SLC8A3: variants seen among roughly 807,000 people sequenced by gnomAD.
SLC8A3 encodes the protein solute carrier family 8 member A3, also known as sodium/calcium exchanger 3.
A neutral mutation model predicts 65.4 loss-of-function variants in SLC8A3; 37 were observed. That is an observed-to-expected ratio of 0.57 (90% CI 0.44 to 0.74). The LOEUF is 0.74. SLC8A3 is among the 30% of genes least tolerant of loss of function. SLC8A3 has a pLI of 0.00. For synonymous variants in SLC8A3, 461 were observed against 444.5 expected (o/e 1.04, Z -0.47); for missense variants, 1,112 against 1,172.1 (o/e 0.95, Z 0.75).
chr14:70,121,276 G>A (rs1380252283), intron 2 of SLC8A3, among the ~76,000 whole-genome samples: 1 of 152,142 alleles, frequency 6.6e-6, no homozygotes, highest in African/African-American at 2.4e-5. Context: ...TGGAAAGGAA[G>A]GGGTATTTGA....
chr14:70,103,213 C>T (rs1054867643), intron 2 of SLC8A3, among the ~76,000 whole-genome samples: 11 of 151,670 alleles, frequency 7.3e-5, no homozygotes, highest in Non-Finnish European at 1.2e-4. Flanking sequence ...ATTTCAAAAA[C>T]GAAGGCAAAA....
At chr14:70,048,593 G>T (rs1245168590) in intron 6 of SLC8A3, 174 bp downstream of exon 6, 1 of 697,816 alleles carries the variant, frequency 1.4e-6, no homozygotes, top group African/African-American at 1.8e-5. Context: ...AGAAATATTA[G>T]CTGTCATTAC....
At chr14:70,183,054 C>T (rs974558928) in intron 1 of SLC8A3, among the ~76,000 whole-genome samples, 16 of 152,142 alleles carry the variant, frequency 1.1e-4, no homozygotes, top group Admixed American at 2.0e-4. Context: ...TTTTGGACTT[C>T]GAGGTCCTCT....
chr14:70,147,512 T>C (rs79108079), intron 2 of SLC8A3, among the ~76,000 whole-genome samples: 7,468 of 152,250 alleles, frequency 0.049, 216 homozygotes, highest in Middle Eastern at 0.075. Context: ...TTATGTTACA[T>C]GGCAATGGTG....
intron 2 of SLC8A3, among the ~76,000 whole-genome samples, chr14:70,164,094 T>TA (rs1897035678): frequency 6.6e-6 from 1 of 152,172 alleles, no homozygotes; most frequent in African/African-American, 2.4e-5. Context: ...CCTGAGCATA[T>TA]ACCGTGTACC....
Position 70,046,139 on chromosome 14 carries a change from G to A in SLC8A3, c.2574C>T (p.Ser858=), listed in dbSNP as rs376266597. 22 of 1,614,040 alleles carry A rather than the reference G, an allele frequency of 1.4e-5. No homozygotes were observed. Among genetic ancestry groups the A allele is most frequent in the African/African-American group, 2.7e-5 (2 of 74,940 alleles). ...FHVSAGTLAF[S]VTLFTIFAFV... ...ATGCAAAGATGGTGAAGAGGGTGAC[G>A]GAGAAGGCCAGTGTGCCGGCCGACA... Residue 858 remains serine, a synonymous_variant, in exon 7 of 7, where the codon TCC becomes TCT. Coordinates refer to ENST00000356921, the MANE Select transcript of SLC8A3 (RefSeq NM_182932.3). The surrounding 1 kb of genome is among the most constrained non-coding windows in gnomAD (Gnocchi z 4.2).
At chr14:70,127,088 T>A (rs576804879) in intron 2 of SLC8A3, among the ~76,000 whole-genome samples, 12 of 151,820 alleles carry the variant, frequency 7.9e-5, no homozygotes, top group Non-Finnish European at 1.5e-4. Context: ...CTGTTCATCA[T>A]GTCTGCCTTC....
At chr14:70,099,441 C>T (rs556895837) in intron 2 of SLC8A3, among the ~76,000 whole-genome samples, 3 of 152,212 alleles carry the variant, frequency 2.0e-5, no homozygotes, top group Non-Finnish European at 4.4e-5. Context: ...TTGCAAATCG[C>T]AGCTCCTTCA....
At chr14:70,146,757 T>C (rs1382757678) in intron 2 of SLC8A3, among the ~76,000 whole-genome samples, 1 of 152,144 alleles carries the variant, frequency 6.6e-6, no homozygotes, top group East Asian at 1.9e-4. Flanking sequence ...CACATGTTTG[T>C]GTTTGCGCTG....
At chr14:70,159,813 G>A (rs1484115846) in intron 2 of SLC8A3, among the ~76,000 whole-genome samples, 1 of 152,158 alleles carries the variant, frequency 6.6e-6, no homozygotes. Flanking sequence ...CTGCTTTGAG[G>A]ATGAGACCCA....
At chr14:70,137,492 G>C (rs1895283697) in intron 2 of SLC8A3, among the ~76,000 whole-genome samples, 2 of 152,158 alleles carry the variant, frequency 1.3e-5, no homozygotes, top group South Asian at 4.1e-4. Context: ...GGGGTAGCTG[G>C]CTACTTAAAA....
rs77424942 is a variant in SLC8A3 at position 70,125,543 on chromosome 14, T to A, written c.1784+41096A>T. ...CGAATGAATAGTATTCCATTGTGTG[T>A]GTATATATACACATTTTCTTTATCC... On this transcript the variant is annotated intron_variant, in intron 2 of 6. Transcript: ENST00000356921. Among the ~76,000 whole-genome samples the A allele has an allele frequency of 9.6e-3, 1,465 of 152,338 alleles. 19 individuals are homozygous for A. Among genetic ancestry groups the A allele is most frequent in the African/African-American group, 0.032 (1,348 of 41,578 alleles).
At chr14:70,156,735 A>T (rs543222974) in intron 2 of SLC8A3, among the ~76,000 whole-genome samples, 45 of 151,996 alleles carry the variant, frequency 3.0e-4, no homozygotes, top group Non-Finnish European at 5.6e-4. Context: ...AGTCCAGCAG[A>T]TCAGCTGTCC....
At chr14:70,080,937 G>T (rs1312231422) in intron 2 of SLC8A3, among the ~76,000 whole-genome samples, 2 of 152,168 alleles carry the variant, frequency 1.3e-5, no homozygotes, top group Non-Finnish European at 2.9e-5. Flanking sequence ...TTGGCAACTT[G>T]CCCAATGTCA....
intron 2 of SLC8A3, among the ~76,000 whole-genome samples, chr14:70,152,655 C>A (rs1422453632): frequency 3.9e-5 from 6 of 152,138 alleles, no homozygotes; most frequent in Non-Finnish European, 5.9e-5. Flanking sequence ...GCAGACAGAT[C>A]TGTATGGCAA....
chr14:70,187,853 G>T (rs1002678721), intron 1 of SLC8A3, among the ~76,000 whole-genome samples: 1 of 152,068 alleles, frequency 6.6e-6, no homozygotes, highest in African/African-American at 2.4e-5. Flanking sequence ...TGGGGTGAGC[G>T]CGTGCGTGCG....
rs749323357 is a variant in SLC8A3 at position 70,121,844 on chromosome 14, AAAAC to A, written c.1784+44791_1784+44794del. Reference sequence around the variant, plus strand: ...TACATTTTTTTTTCAATTTGTGAAAAAAACAAACAAACAATTCTGTCAGCTCCTT... The same window carrying A: ...TACATTTTTTTTTCAATTTGTGAAAAAAACAAACAATTCTGTCAGCTCCTT... On this transcript the variant is annotated intron_variant, in intron 2 of 6. Transcript: ENST00000356921. 2.0e-4 allele frequency among the ~76,000 whole-genome samples: 30 copies of A among 152,132 alleles called. 1 individual carries two copies. The highest frequency in any genetic ancestry group is 3.4e-4 in the Non-Finnish European group (23 of 68,022).
At chr14:70,070,920 T>C (rs1889949505) in intron 2 of SLC8A3, among the ~76,000 whole-genome samples, 1 of 152,226 alleles carries the variant, frequency 6.6e-6, no homozygotes, top group African/African-American at 2.4e-5. Flanking sequence ...TACTAATAGT[T>C]TAACAACCAA....
At chr14:70,063,743 G>C (rs1488655371) in intron 2 of SLC8A3, 1 of 771,382 alleles carries the variant, frequency 1.3e-6, no homozygotes, top group East Asian at 2.5e-5. Context: ...AAGAGGAGGA[G>C]GAGACAAATG....
Sources: allele counts gnomAD v4.1 joint callset (sites outside exome capture counted in the v4.1 genomes callset), GRCh38; gene constraint gnomAD v4.1.1; non-coding constraint Gnocchi (gnomAD v3.1); transcripts MANE v1.5; gene names NCBI Gene and HGNC (gene_info 2026-07-23, HGNC 2026-07-21).